The following SETX variants were observed in gnomAD, a reference collection of about 807,000 sequenced individuals.
The protein encoded by SETX is senataxin, also known as helicase senataxin.
SETX carries 90 observed loss-of-function variants against 227.2 expected under a neutral mutation model. That is an observed-to-expected ratio of 0.40 (90% confidence interval 0.33 to 0.47). The LOEUF (loss-of-function observed/expected upper bound fraction) is 0.47. SETX is among the 20% of genes least tolerant of loss of function. SETX has a pLI of 0.91. For missense variants in SETX, 3,052 were observed against 3,181.5 expected, an observed-to-expected ratio of 0.96 and a Z score of 0.98; for synonymous variants, 1,210 against 1,113.2, an observed-to-expected ratio of 1.09 and a Z score of -1.73.
intron 25 of SETX, 41 bp downstream of exon 25, chr9:132,269,574 A>G: frequency 6.2e-7 from 1 of 1,611,816 alleles, no homozygotes; most frequent in East Asian, 2.2e-5. Context: ...CAATCCAACA[A>G]CAGTAACAAT....
chr9:132,333,764 T>C (rs1005124715), intron 7 of SETX, among the ~76,000 whole-genome samples: 2 of 152,200 alleles, frequency 1.3e-5, no homozygotes, highest in Non-Finnish European at 2.9e-5. Flanking sequence ...TGGAGCAGCA[T>C]ATCCAAGAGA....
chr9:132,300,130 CAAAA>C (rs72582907), intron 12 of SETX, among the ~76,000 whole-genome samples: 31 of 47,232 alleles, frequency 6.6e-4, no homozygotes, highest in African/African-American at 1.2e-3. Flanking sequence ...AACTCCGTCT[CAAAA>C]AAAAAAAAAA....
At position 132,327,003 on chromosome 9, in the gene SETX, T is replaced by C. The variant is rs776719075; in HGVS notation, c.4595A>G (p.Glu1532Gly). ...CTGAGGCCGACTTACAGAATCTTCT[T>C]CAACCTCAACTGTATCTTTTCCATG... is the stretch of plus-strand genomic sequence containing the variant. ...LIHGKDTVEV[E>G]EDSVSRPQLE... The change falls in exon 10 of 26, where the codon GAA becomes GGA. Residue 1532 changes from glutamate (E) to glycine (G), a missense_variant. This residue lies in a region of SETX where 1,483 missense variants were observed against 1,312.0 expected (regional missense o/e 1.13). Transcript: ENST00000224140. 6.2e-7 allele frequency: 1 copy of C among 1,614,236 alleles called. No homozygotes were observed. Among genetic ancestry groups the C allele is most frequent in the Admixed American group, 1.7e-5 (1 of 60,030 alleles).
At position 132,291,319 on chromosome 9, in the gene SETX, A is replaced by C. The variant is rs760262799; in HGVS notation, c.6107-2668T>G. 7.4e-4 allele frequency among the ~76,000 whole-genome samples: 112 copies of C among 151,316 alleles called. 1 individual carries two copies. Among genetic ancestry groups the C allele is most frequent in the Non-Finnish European group, 1.2e-3 (84 of 67,832 alleles). On this transcript the variant is annotated intron_variant, in intron 15 of 25. Transcript: ENST00000224140. ...ATAGCTGCGACTACAGGCGCCCCCC[A>C]CCACGCCCAGCTAATTTTTTGTATT...
chr9:132,347,209 G>A lies in SETX; in HGVS notation c.178-738C>T, dbSNP rs1448793691. On this transcript the variant is annotated intron_variant, in intron 3 of 25. Coordinates refer to ENST00000224140, the MANE Select transcript of SETX (RefSeq NM_015046.7). ...GGAGGTTGCAGTGAGCCAAGATCAC[G>A]CCACTGCACTCCAGCCTGGGCAACA... 2.0e-5 allele frequency among the ~76,000 whole-genome samples: 3 copies of A among 151,610 alleles called. No homozygotes were observed. In the East Asian group the frequency reaches 5.8e-4, roughly 30 times the overall value.
chr9:132,304,603 A>G (rs1205322951), intron 11 of SETX, among the ~76,000 whole-genome samples: 1 of 151,132 alleles, frequency 6.6e-6, no homozygotes, highest in Non-Finnish European at 1.5e-5. Flanking sequence ...ACTGAACGTC[A>G]GCCTGGGCGA....
chr9:132,353,227 AC>A, intron 2 of SETX, among the ~76,000 whole-genome samples: 1 of 151,476 alleles, frequency 6.6e-6, no homozygotes, highest in Non-Finnish European at 1.5e-5. Context: ...CTCCACACTT[AC>A]CTCCCTTGAC....
chr9:132,330,179 T>C lies in SETX; in HGVS notation c.1419A>G (p.Lys473=), dbSNP rs201792518. 6.3e-7 allele frequency: 1 copy of C among 1,592,378 alleles called. No individual in the cohort carries two copies. The highest frequency in any genetic ancestry group is 8.6e-7 in the Non-Finnish European group (1 of 1,167,592). The change falls in exon 10 of 26, where the codon AAA becomes AAG. Residue 473 remains lysine (K), a synonymous_variant. Transcript: ENST00000224140. ...VSVIELHRNK[K]CLHLLWVSSQ... Reference sequence around the variant, plus strand: ...AACTTACCCACAGCAAATGCAAACATTTTTTATTTCTATGCAGTTCAATCA... The same window carrying C: ...AACTTACCCACAGCAAATGCAAACACTTTTTATTTCTATGCAGTTCAATCA...
At chr9:132,317,220 T>C (rs1356053891) in intron 10 of SETX, among the ~76,000 whole-genome samples, 1 of 152,264 alleles carries the variant, frequency 6.6e-6, no homozygotes, top group African/African-American at 2.4e-5. Flanking sequence ...TTCTTCCATG[T>C]TTCCTAACTG....
At chr9:132,355,156 G>A (rs1472567904), upstream of SETX, among the ~76,000 whole-genome samples, 1 of 152,112 alleles carries the variant, frequency 6.6e-6, no homozygotes, top group Non-Finnish European at 1.5e-5. Flanking sequence ...CACGCCGGGC[G>A]CTGGCGTCAC....
At chr9:132,271,997 C>T (rs1345658847) in intron 23 of SETX, among the ~76,000 whole-genome samples, 189 bp from the exon 24 acceptor site, 4 of 151,924 alleles carry the variant, frequency 2.6e-5, no homozygotes, top group Non-Finnish European at 5.9e-5. Context: ...ATTCTCCTGC[C>T]TCAGCCTCCT....
intron 12 of SETX, among the ~76,000 whole-genome samples, chr9:132,300,247 G>C (rs1219744426): frequency 6.6e-6 from 1 of 151,958 alleles, no homozygotes; most frequent in Non-Finnish European, 1.5e-5. Context: ...TACAACGGAT[G>C]GAAGTGATGT....
At chr9:132,321,665 A>AC (rs1846349725) in intron 10 of SETX, among the ~76,000 whole-genome samples, 1 of 146,002 alleles carries the variant, frequency 6.8e-6, no homozygotes. Context: ...AAAAAAAAAA[A>AC]AAAAAAAACT....
intron 2 of SETX, among the ~76,000 whole-genome samples, chr9:132,352,406 C>G (rs758817250): frequency 5.9e-5 from 9 of 152,226 alleles, no homozygotes; most frequent in Non-Finnish European, 1.3e-4. Context: ...CTTCAAACCA[C>G]TGCTTCAACT....
intron 18 of SETX, among the ~76,000 whole-genome samples, chr9:132,285,949 C>A (rs1213205071): frequency 6.7e-6 from 1 of 149,152 alleles, no homozygotes; most frequent in Non-Finnish European, 1.5e-5. Context: ...TTGAGGGAGG[C>A]TGAGGCAGGA....
intron 18 of SETX, 57 bp from the exon 19 acceptor site, chr9:132,283,470 A>G (rs1843658001): frequency 3.1e-6 from 5 of 1,591,446 alleles, no homozygotes; most frequent in Middle Eastern, 1.7e-4. Context: ...TGACTATGAC[A>G]GGCCTATGTT....
chr9:132,320,958 C>A (rs1377850024), intron 10 of SETX, among the ~76,000 whole-genome samples: 1 of 151,746 alleles, frequency 6.6e-6, no homozygotes, highest in Non-Finnish European at 1.5e-5. Context: ...GGCTGGAGGG[C>A]AACTGTTCCT....
rs937935881 is a variant in SETX at position 132,329,636 on chromosome 9, G to A, written c.1962C>T (p.Asp654=). The A allele has an allele frequency of 5.0e-6, 8 of 1,613,644 alleles. No homozygotes were observed. In the African/African-American group the frequency reaches 6.7e-5, roughly 13 times the overall value. The change falls in exon 10 of 26, where the codon GAC becomes GAT. Residue 654 remains aspartate (D), a synonymous_variant. Coordinates refer to ENST00000224140, the MANE Select transcript of SETX (RefSeq NM_015046.7). ...TGTTATCTGCTTTGATCAATACACT[G>A]TCTTGCACTTTCATTGGTTCTTTAG... The part of the protein sequence containing the change: ...TFSKEPMKVQ[D]SVLIKADNTI...
chr9:132,355,557 C>CGGG (rs1564173946), upstream of SETX, among the ~76,000 whole-genome samples: 3 of 152,194 alleles, frequency 2.0e-5, no homozygotes, highest in African/African-American at 4.8e-5. Context: ...GAGTAAATCC[C>CGGG]TCGCTGGTGC....
Sources: allele counts gnomAD v4.1 joint callset (sites outside exome capture counted in the v4.1 genomes callset), GRCh38; gene constraint gnomAD v4.1.1; regional missense constraint gnomAD v4.1.1; transcripts MANE v1.5; gene names NCBI Gene and HGNC (gene_info 2026-07-23, HGNC 2026-07-21).